Variants in GPD1L observed in about 807,000 individuals in gnomAD.
GPD1L encodes the protein glycerol-3-phosphate dehydrogenase 1-like protein.
A neutral mutation model predicts 32.9 loss-of-function variants in GPD1L; 17 were observed. That is an observed-to-expected ratio of 0.52 (90% CI 0.35 to 0.78). The LOEUF (loss-of-function observed/expected upper bound fraction) is 0.78, where lower values mean the gene tolerates loss of function less well. Ranked by LOEUF, GPD1L falls within the 30% of genes least tolerant of loss-of-function variation. GPD1L has a pLI of 0.01. For synonymous variants in GPD1L, 187 were observed against 165.9 expected (o/e 1.13, Z -0.98); for missense variants, 361 against 447.8 (o/e 0.81, Z 1.75).
intron 1 of GPD1L, among the ~76,000 whole-genome samples, chr3:32,123,619 G>A (rs1449862633): frequency 6.6e-6 from 1 of 152,168 alleles, no homozygotes; most frequent in Admixed American, 6.5e-5. Flanking sequence ...TGAGCCTGAT[G>A]TGGAGGTGGC....
chr3:32,132,768 G>T (rs1192827461), intron 2 of GPD1L, among the ~76,000 whole-genome samples: 1 of 152,190 alleles, frequency 6.6e-6, no homozygotes, highest in African/African-American at 2.4e-5. Context: ...CAGGAGCCAT[G>T]CTTTGGGAAC....
At position 32,129,790 on chromosome 3, in the gene GPD1L, G is replaced by A. The variant is rs144864848; in HGVS notation, c.225+1537G>A. Among the ~76,000 whole-genome samples the A allele has an allele frequency of 2.6e-4, 39 of 152,306 alleles. 1 individual carries two copies. The highest frequency in any genetic ancestry group is 8.2e-4 in the African/African-American group (34 of 41,564). On this transcript the variant is annotated intron_variant, in intron 2 of 7. Coordinates refer to ENST00000282541, the MANE Select transcript of GPD1L (RefSeq NM_015141.4). ...ATATCTGCTGGAGAGAATAAAAGAG[G>A]TAGCTCTTCCCCCTGCAATGGAAGG...
intron 1 of GPD1L, among the ~76,000 whole-genome samples, chr3:32,113,656 G>A (rs1180921013): frequency 6.6e-6 from 1 of 152,154 alleles, no homozygotes; most frequent in Non-Finnish European, 1.5e-5. Context: ...TGGAAGAGGA[G>A]AACTGAATCA....
intron 1 of GPD1L, among the ~76,000 whole-genome samples, chr3:32,110,200 A>G (rs1429106460): frequency 4.6e-5 from 7 of 152,178 alleles, no homozygotes; most frequent in African/African-American, 1.4e-4. Flanking sequence ...TTACAGGCGT[A>G]AGCCACTGCG....
Position 32,115,758 on chromosome 3 carries a change from C to CTTTTTTTT in GPD1L, c.47+9041_47+9048dup, listed in dbSNP as rs539068850. 2.6e-3 allele frequency among the ~76,000 whole-genome samples: 118 copies of CTTTTTTTT among 45,084 alleles called. 47 individuals are homozygous for CTTTTTTTT. The highest frequency in any genetic ancestry group is 4.7e-3 in the Non-Finnish European group (97 of 20,536). 29.6% of individuals were successfully genotyped at this position (45,084 alleles called of 152,430 possible). A position where few individuals can be genotyped will look rare whatever the true frequency, so the allele number is the denominator to read the frequency against. On this transcript the variant is annotated intron_variant, in intron 1 of 7. Transcript: ENST00000282541. ...CTAAACCCTTTTCGTGTACGTTGAACTTTTTTTTTTTTTTTTTTTTTTTTT... is the reference window on the plus strand; with the variant it reads ...CTAAACCCTTTTCGTGTACGTTGAACTTTTTTTTTTTTTTTTTTTTTTTTTTTTTTTTT...
intron 2 of GPD1L, among the ~76,000 whole-genome samples, chr3:32,130,709 A>G (rs117639901): frequency 1.4e-5 from 2 of 145,262 alleles, no homozygotes; most frequent in East Asian, 3.5e-4. Context: ...GGTGGCTCAC[A>G]CCTGTAATCC....
Position 32,165,858 on chromosome 3 carries a change from G to C in GPD1L, c.1004G>C (p.Arg335Thr). 6.2e-7 allele frequency: 1 copy of C among 1,610,270 alleles called. No homozygotes were observed. The highest frequency in any genetic ancestry group is 8.5e-7 in the Non-Finnish European group (1 of 1,176,504). The change falls in exon 8 of 8, where the codon AGA becomes ACA. Residue 335 changes from arginine (R) to threonine (T), a missense_variant. Transcript: ENST00000282541. ...TAVYQICYES[R>T]PVQEMLSCLQ... The stretch of plus-strand genomic sequence containing the variant: ...GTGTATCAGATCTGCTACGAAAGCA[G>C]ACCAGTTCAAGAGATGTTGTCTTGT...
chr3:32,152,884 A>G (rs138014573), intron 5 of GPD1L, among the ~76,000 whole-genome samples: 277 of 151,756 alleles, frequency 1.8e-3, no homozygotes, highest in African/African-American at 6.3e-3. Context: ...CGTGGCAGCT[A>G]TCTTTCAAGG....
chr3:32,137,170 A>G (rs1019995428), intron 2 of GPD1L, among the ~76,000 whole-genome samples: 3 of 152,212 alleles, frequency 2.0e-5, no homozygotes, highest in African/African-American at 7.2e-5. Flanking sequence ...TCAGAGAAGA[A>G]TCTTCATCCA....
Position 32,159,662 on chromosome 3 carries a change from G to A in GPD1L, c.947G>A (p.Gly316Glu), listed in dbSNP as rs786204216. The A allele has an allele frequency of 1.3e-6, 2 of 1,597,336 alleles. No homozygotes were observed. The highest frequency in any genetic ancestry group is 1.7e-6 in the Non-Finnish European group (2 of 1,165,218). ...GTGTACCGCATCCTCAAACAGAAGGGACTACTGGACAAGTAAGTCTCTCAG... is the reference window on the plus strand; with the variant it reads ...GTGTACCGCATCCTCAAACAGAAGGAACTACTGGACAAGTAAGTCTCTCAG... Reference protein sequence around the residue: ...AEVYRILKQKGLLDKFPLFTA... With the variant: ...AEVYRILKQKELLDKFPLFTA... The change falls in exon 7 of 8, where the codon GGA becomes GAA. Residue 316 changes from glycine (G) to glutamate (E), a missense_variant. Coordinates refer to ENST00000282541, the MANE Select transcript of GPD1L (RefSeq NM_015141.4).
Position 32,159,088 on chromosome 3 carries a change from G to C in GPD1L, c.831G>C (p.Glu277Asp). The change falls in exon 6 of 8, where the codon GAG becomes GAC. Residue 277 changes from glutamate (E) to aspartate (D), a missense_variant. Glu to Asp is a conservative substitution (Grantham distance 45). Coordinates refer to ENST00000282541, the MANE Select transcript of GPD1L (RefSeq NM_015141.4). Reference sequence around the variant, plus strand: ...GAGGGCGGAACCGCAGGGTGGCCGAGGCCTTCGCCAGAACTGGGAAGGTAG... The same window carrying C: ...GAGGGCGGAACCGCAGGGTGGCCGACGCCTTCGCCAGAACTGGGAAGGTAG... ...CYGGRNRRVA[E>D]AFARTGKTIE... The C allele has an allele frequency of 6.2e-7, 1 of 1,613,656 alleles. No individual in the cohort carries two copies. Among genetic ancestry groups the C allele is most frequent in the Non-Finnish European group, 8.5e-7 (1 of 1,179,982 alleles).
intron 4 of GPD1L, among the ~76,000 whole-genome samples, chr3:32,144,318 TC>T (rs1700789818): frequency 6.6e-6 from 1 of 152,122 alleles, no homozygotes; most frequent in African/African-American, 2.4e-5. Context: ...TGGTAAGGTC[TC>T]CTTTCGTTCT....
intron 2 of GPD1L, among the ~76,000 whole-genome samples, chr3:32,128,745 A>G (rs1449722720): frequency 6.6e-6 from 1 of 152,214 alleles, no homozygotes; most frequent in Non-Finnish European, 1.5e-5. Flanking sequence ...AGCCCATAAC[A>G]GGTTTCCTCC....
intron 1 of GPD1L, among the ~76,000 whole-genome samples, chr3:32,111,378 C>G (rs1279587895): frequency 2.0e-5 from 3 of 152,134 alleles, no homozygotes; most frequent in Non-Finnish European, 4.4e-5. Flanking sequence ...ACGTTTCTGC[C>G]TGGGTCTCCC....
intron 7 of GPD1L, among the ~76,000 whole-genome samples, chr3:32,164,057 A>G (rs1478080797): frequency 1.3e-5 from 2 of 152,200 alleles, no homozygotes; most frequent in Non-Finnish European, 2.9e-5. Flanking sequence ...CTCTCGAGAA[A>G]TCTTCCTCGA....
At chr3:32,156,926 T>C (rs1700999026) in intron 5 of GPD1L, among the ~76,000 whole-genome samples, 2 of 135,624 alleles carry the variant, frequency 1.5e-5, no homozygotes, top group Non-Finnish European at 3.1e-5. Flanking sequence ...TTTTAAAATC[T>C]CCCACGGCTC....
At chr3:32,151,539 G>A in intron 5 of GPD1L, 1 of 269,320 alleles carries the variant, frequency 3.7e-6, no homozygotes, top group Non-Finnish European at 6.9e-6. Context: ...GAGTGCAGTG[G>A]CACAATCTCA....
intron 1 of GPD1L, among the ~76,000 whole-genome samples, chr3:32,124,604 G>A (rs943373382): frequency 1.3e-5 from 2 of 152,164 alleles, no homozygotes; most frequent in Non-Finnish European, 2.9e-5. Context: ...ACAGATAAAA[G>A]TGGACAACAG....
chr3:32,150,156 A>C (rs1298055481), intron 5 of GPD1L, among the ~76,000 whole-genome samples: 1 of 152,108 alleles, frequency 6.6e-6, no homozygotes, highest in Non-Finnish European at 1.5e-5. Flanking sequence ...ATCTGCTTTT[A>C]TATGCCATCG....
Sources: gnomAD v4.1 joint callset for allele counts (sites outside exome capture counted in the v4.1 genomes callset) on GRCh38, gnomAD v4.1.1 for gene constraint, MANE v1.5 for transcripts, NCBI Gene and HGNC (gene_info 2026-07-23, HGNC 2026-07-21) for gene names.